Variants in ASTN1 observed in about 807,000 individuals in gnomAD.
ASTN1 encodes astrotactin 1.
Under a neutral mutation model 140.7 loss-of-function variants are expected in ASTN1, and 41 were observed. That is an observed-to-expected ratio of 0.29 (90% CI 0.23 to 0.38). ASTN1 has a LOEUF of 0.38. Among genes scored for constraint, ASTN1 ranks in the 10% least tolerant of loss-of-function variants. The pLI, the probability that ASTN1 is intolerant of heterozygous loss-of-function variation, is 1.00. For synonymous variants in ASTN1, 640 were observed against 652.2 expected, an observed-to-expected ratio of 0.98 and a Z score of 0.29; for missense variants, 1,479 against 1,678.8, an observed-to-expected ratio of 0.88 and a Z score of 2.08.
intron 1 of ASTN1, among the ~76,000 whole-genome samples, chr1:177,075,847 G>A (rs984508710): frequency 3.3e-5 from 5 of 151,570 alleles, no homozygotes; most frequent in East Asian, 1.9e-4. Context: ...TTGCTATGTT[G>A]CCCAGACTGG....
intron 14 of ASTN1, among the ~76,000 whole-genome samples, chr1:176,937,896 G>A (rs1326058183): frequency 6.6e-6 from 1 of 152,258 alleles, no homozygotes; most frequent in East Asian, 1.9e-4. Flanking sequence ...ACTGGATGAA[G>A]AGTAGGTAGG....
chr1:177,061,540 GTTCTTCCCCTTAT>G (rs1200474792), intron 1 of ASTN1, among the ~76,000 whole-genome samples: 1 of 152,114 alleles, frequency 6.6e-6, no homozygotes, highest in African/African-American at 2.4e-5. Flanking sequence ...GAAAATTCAA[GTTCTTCCCCTTAT>G]TTCTATGATC....
chr1:177,132,523 C>G (rs940513678), intron 1 of ASTN1, among the ~76,000 whole-genome samples: 3 of 152,162 alleles, frequency 2.0e-5, no homozygotes, highest in Non-Finnish European at 2.9e-5. Flanking sequence ...TGCAGATATA[C>G]CAGCAGCAGG....
intron 8 of ASTN1, among the ~76,000 whole-genome samples, chr1:176,985,370 C>T (rs950198112): frequency 6.6e-6 from 1 of 152,104 alleles, no homozygotes; most frequent in Non-Finnish European, 1.5e-5. Context: ...CTCCTCTCTC[C>T]CCCGCTTGTC....
chr1:176,930,204 G>C (rs1418642886), intron 16 of ASTN1, among the ~76,000 whole-genome samples: 1 of 152,160 alleles, frequency 6.6e-6, no homozygotes, highest in Non-Finnish European at 1.5e-5. Context: ...GGAGAGTAAA[G>C]AGGAGGATCA....
intron 16 of ASTN1, among the ~76,000 whole-genome samples, chr1:176,904,636 T>A (rs1055927208): frequency 6.6e-6 from 1 of 152,248 alleles, no homozygotes. Context: ...AGATTAAGGC[T>A]TCCTCCGCGC....
intron 5 of ASTN1, among the ~76,000 whole-genome samples, chr1:177,025,724 C>G (rs1281166986): frequency 1.3e-5 from 2 of 152,096 alleles, no homozygotes; most frequent in Non-Finnish European, 1.5e-5. Context: ...TTACAATAAG[C>G]CTATGAGTCT....
At chr1:176,998,973 G>T (rs1674590821) in intron 8 of ASTN1, among the ~76,000 whole-genome samples, 1 of 152,156 alleles carries the variant, frequency 6.6e-6, no homozygotes, top group Non-Finnish European at 1.5e-5. Flanking sequence ...ACATAGTTGT[G>T]GTTAGATTAA....
intron 1 of ASTN1, among the ~76,000 whole-genome samples, chr1:177,133,487 A>G (rs1682035105): frequency 6.6e-6 from 1 of 152,110 alleles, no homozygotes; most frequent in Admixed American, 6.5e-5. Flanking sequence ...ATAATCCCAA[A>G]CTCATCAAGC....
intron 8 of ASTN1, among the ~76,000 whole-genome samples, chr1:176,965,670 G>A (rs891044993): frequency 3.9e-5 from 6 of 152,126 alleles, no homozygotes; most frequent in African/African-American, 1.4e-4. Flanking sequence ...ACCATGGACC[G>A]ATAATTTGCT....
At chr1:176,961,501 T>C (rs1672661569) in intron 9 of ASTN1, among the ~76,000 whole-genome samples, 1 of 152,136 alleles carries the variant, frequency 6.6e-6, no homozygotes, top group Admixed American at 6.5e-5. Flanking sequence ...ACAACAGTCC[T>C]CTGAAGCTGG....
chr1:176,965,440 T>C (rs1672836597), intron 8 of ASTN1, among the ~76,000 whole-genome samples: 1 of 152,284 alleles, frequency 6.6e-6, no homozygotes, highest in African/African-American at 2.4e-5. Context: ...TAAAAATCAC[T>C]GAACTACTAG....
chr1:176,991,405 C>T (rs911566223), intron 8 of ASTN1, among the ~76,000 whole-genome samples: 1 of 127,744 alleles, frequency 7.8e-6, no homozygotes, highest in East Asian at 2.3e-4. Context: ...AAACGCTAAA[C>T]TCTGTCTCAA....
intron 2 of ASTN1, among the ~76,000 whole-genome samples, chr1:177,058,874 T>G (rs1337792228): frequency 6.6e-6 from 1 of 151,200 alleles, no homozygotes; most frequent in Non-Finnish European, 1.5e-5. Flanking sequence ...GAAAACTTAT[T>G]GAGCACCTAA....
intron 8 of ASTN1, among the ~76,000 whole-genome samples, chr1:176,996,875 C>T (rs1674480247): frequency 6.6e-6 from 1 of 152,152 alleles, no homozygotes; most frequent in Non-Finnish European, 1.5e-5. Flanking sequence ...TCCCCTGCCC[C>T]ATGGAAAATG....
intron 16 of ASTN1, among the ~76,000 whole-genome samples, chr1:176,896,055 T>A (rs1340394112): frequency 6.6e-6 from 1 of 152,196 alleles, no homozygotes; most frequent in African/African-American, 2.4e-5. Flanking sequence ...ATTGTAGATA[T>A]GACTCATCGA....
intron 16 of ASTN1, among the ~76,000 whole-genome samples, chr1:176,925,277 A>T (rs576450789): frequency 1.3e-5 from 2 of 152,162 alleles, no homozygotes; most frequent in Admixed American, 1.3e-4. Context: ...AAGTTTCTGT[A>T]TTAGACAGGA....
chr1:177,032,652 C>T lies in ASTN1; in HGVS notation c.669G>A (p.Gln223=). ...GRESLRNARV[Q]GHNSSGTLSI... is the part of the protein sequence containing the mutation. ...TCAGGGTGCCACTGGAGTTGTGGCC[C>T]TGCACGCGGGCATTGCGCAGGCTCT... Residue 223 remains glutamine (Q), a synonymous_variant, in exon 3 of 23, where the codon CAG becomes CAA. Transcript: ENST00000361833. 6.2e-7 allele frequency: 1 copy of T among 1,614,200 alleles called. No individual in the cohort carries two copies.
chr1:176,872,545 T>C (rs1307903462), intron 21 of ASTN1, among the ~76,000 whole-genome samples: 2 of 152,234 alleles, frequency 1.3e-5, no homozygotes, highest in African/African-American at 2.4e-5. Context: ...GGGTTGGATG[T>C]AGAGCATGAG....
Sources: gnomAD v4.1 joint callset for allele counts (sites outside exome capture counted in the v4.1 genomes callset) on GRCh38, gnomAD v4.1.1 for gene constraint, MANE v1.5 for transcripts, NCBI Gene and HGNC (gene_info 2026-07-23, HGNC 2026-07-21) for gene names.